TUB: variants seen among roughly 807,000 people sequenced by gnomAD.
The protein encoded by TUB is tubby protein homolog.
TUB carries 33 observed loss-of-function variants against 59.7 expected under a neutral mutation model. The ratio of observed to expected loss-of-function variants is 0.55; its 90% confidence interval spans 0.42 to 0.74. TUB has a LOEUF of 0.74. Among genes scored for constraint, TUB ranks in the 30% least tolerant of loss-of-function variants. The pLI is 0.00. For synonymous variants in TUB, 293 were observed against 256.4 expected, an observed-to-expected ratio of 1.14 and a Z score of -1.36; for missense variants, 659 against 672.0, an observed-to-expected ratio of 0.98 and a Z score of 0.21.
chr11:8,065,325 G>A lies in TUB; in HGVS notation c.204-24285G>A, dbSNP rs1943218383. Among the ~76,000 whole-genome samples, 3 of 152,202 alleles carry A rather than the reference G, an allele frequency of 2.0e-5. No homozygotes were observed. The South Asian group carries it at 6.2e-4, about 31-fold the overall frequency. The stretch of plus-strand genomic sequence containing the variant: ...GGGCCAGGGCATTGGTGGTGCTGGA[G>A]CGGGTGGTAATGGACAGAGGAGACA... On this transcript the variant is annotated intron_variant, in intron 2 of 12. Coordinates refer to the TUB transcript ENST00000305253.
chr11:8,033,088 C>CT (rs1942599031), intron 1 of TUB, among the ~76,000 whole-genome samples: 1 of 152,196 alleles, frequency 6.6e-6, no homozygotes, highest in Admixed American at 6.5e-5. Context: ...CCAATATGAT[C>CT]TGGGGGGGAA....
intron 1 of TUB, among the ~76,000 whole-genome samples, chr11:8,087,745 G>C (rs1208863299): frequency 1.3e-5 from 2 of 152,256 alleles, no homozygotes; most frequent in Admixed American, 6.5e-5. Context: ...TGCTTATTCA[G>C]TCAGGCTGTT....
At chr11:8,096,040 C>T (rs1276307278) in intron 5 of TUB, among the ~76,000 whole-genome samples, 1 of 152,206 alleles carries the variant, frequency 6.6e-6, no homozygotes, top group Admixed American at 6.5e-5. Context: ...GCCCCTGGTG[C>T]AGGGTGGCAG....
At position 8,100,958 on chromosome 11, in the gene TUB, G is replaced by A; in HGVS notation, c.1348G>A (p.Ala450Thr). ...VLNFHGRVTQ[A>T]SVKNFQIIHG... ...CAACTTCCATGGGCGCGTCACACAGGCCTCCGTGAAGAACTTCCAGATCAT... is the reference window on the plus strand; with the variant it reads ...CAACTTCCATGGGCGCGTCACACAGACCTCCGTGAAGAACTTCCAGATCAT... The change falls in exon 11 of 12, where the codon GCC becomes ACC. Residue 450 changes from alanine (A) to threonine (T), a missense_variant. By Grantham distance (58) the Ala-to-Thr change is moderately conservative (BLOSUM62 0). Transcript: ENST00000299506. The A allele has an allele frequency of 1.9e-6, 3 of 1,614,136 alleles. No homozygotes were observed. Among genetic ancestry groups the A allele is most frequent in the Non-Finnish European group, 2.5e-6 (3 of 1,180,022 alleles).
At chr11:8,097,520 A>C in intron 7 of TUB, 95 bp downstream of exon 7, 2 of 1,521,036 alleles carry the variant, frequency 1.3e-6, no homozygotes, top group Non-Finnish European at 1.8e-6. Flanking sequence ...TCTACCACTG[A>C]CCTCTCAGTT....
In TUB at chr11:8,101,674, G is replaced by A. The variant is rs1307289480; in HGVS notation, c.*55G>A. 1.9e-6 allele frequency: 3 copies of A among 1,597,330 alleles called. No individual in the cohort carries two copies. Among genetic ancestry groups the A allele is most frequent in the East Asian group, 2.3e-5 (1 of 44,300 alleles). ...AGCCTGGAGCGGAGCTTGCCTGCCTGCCTGTGGAGACAGCCCTGCCTATCC... is the reference window on the plus strand; with the variant it reads ...AGCCTGGAGCGGAGCTTGCCTGCCTACCTGTGGAGACAGCCCTGCCTATCC... On this transcript the variant is annotated 3_prime_UTR_variant, in exon 12 of 12. Transcript: ENST00000299506.
chr11:8,072,080 G>A (rs1943369957), intron 2 of TUB, among the ~76,000 whole-genome samples: 1 of 152,218 alleles, frequency 6.6e-6, no homozygotes, highest in Non-Finnish European at 1.5e-5. Context: ...TGACAGCTCA[G>A]CAGACACAGA....
At chr11:8,044,965 C>T (rs560689834) in intron 2 of TUB, among the ~76,000 whole-genome samples, 9 of 152,170 alleles carry the variant, frequency 5.9e-5, no homozygotes, top group Admixed American at 3.3e-4. Flanking sequence ...CCCAGCACCC[C>T]GATATGTTTA....
intron 2 of TUB, among the ~76,000 whole-genome samples, chr11:8,055,262 A>G (rs947926054): frequency 6.6e-6 from 1 of 152,294 alleles, no homozygotes; most frequent in African/African-American, 2.4e-5. Flanking sequence ...AGAATGCAAG[A>G]TAGTGAGTGA....
chr11:8,079,458 C>T (rs1002443486), upstream of TUB, among the ~76,000 whole-genome samples: 2 of 152,044 alleles, frequency 1.3e-5, no homozygotes, highest in African/African-American at 2.4e-5. Flanking sequence ...AACAAAACAG[C>T]CCTGCTTTCT....
chr11:8,101,090 AGAGTTT>A, intron 11 of TUB, 93 bp downstream of exon 11: 2 of 1,441,614 alleles, frequency 1.4e-6, no homozygotes, highest in South Asian at 1.3e-5. Context: ...TACACTGGCT[AGAGTTT>A]AAGAATGTGA....
In TUB at chr11:8,101,517, A is replaced by G. The variant is rs369809314; in HGVS notation, c.1419A>G (p.Val473=). 191 of 1,614,058 alleles carry G rather than the reference A, an allele frequency of 1.2e-4. No individual in the cohort carries two copies. Among genetic ancestry groups the G allele is most frequent in the Non-Finnish European group, 1.6e-4 (187 of 1,180,046 alleles). The change falls in exon 12 of 12, where the codon GTA becomes GTG. Residue 473 remains valine, a synonymous_variant. Coordinates refer to ENST00000299506, the MANE Select transcript of TUB (RefSeq NM_177972.3). Reference sequence around the variant, plus strand: ...ACATCGTGATGCAGTTTGGCCGGGTAGCAGAGGATGTGTTCACCATGGATT... The same window carrying G: ...ACATCGTGATGCAGTTTGGCCGGGTGGCAGAGGATGTGTTCACCATGGATT... ...PDYIVMQFGR[V]AEDVFTMDYN...
intron 1 of TUB, among the ~76,000 whole-genome samples, chr11:8,024,656 C>T (rs1164156470): frequency 6.6e-6 from 1 of 152,124 alleles, no homozygotes; most frequent in Non-Finnish European, 1.5e-5. Context: ...TTGTGTTGAA[C>T]ATCTTGTATA....
chr11:8,081,509 A>G lies in TUB; in HGVS notation c.-2A>G. 1.9e-6 allele frequency: 3 copies of G among 1,540,286 alleles called. No homozygotes were observed. Among genetic ancestry groups the G allele is most frequent in the South Asian group, 1.2e-5 (1 of 84,002 alleles). On this transcript the variant is annotated 5_prime_UTR_variant, in exon 1 of 12. Transcript: ENST00000299506. ...GCAGCCACCGCCCCGCCCCCGAGAGACATGACTTCCAAGCCGCATTCCGAC... is the reference window on the plus strand; with the variant it reads ...GCAGCCACCGCCCCGCCCCCGAGAGGCATGACTTCCAAGCCGCATTCCGAC...
At chr11:8,081,989 C>T (rs1943576804) in intron 1 of TUB, among the ~76,000 whole-genome samples, 1 of 152,238 alleles carries the variant, frequency 6.6e-6, no homozygotes, top group Non-Finnish European at 1.5e-5. Context: ...AAGCATGGAT[C>T]CGTGAAGACA....
At chr11:8,068,673 A>T (rs1431248378) in intron 2 of TUB, 3 of 152,454 alleles carry the variant, frequency 2.0e-5, no homozygotes, top group Non-Finnish European at 4.4e-5. Context: ...TCTGCTGCAA[A>T]GCCCTGCCTG....
rs1227109076 is a variant in TUB at position 8,090,111 on chromosome 11, C to A, written c.133C>A (p.Pro45Thr). The change falls in exon 3 of 12, where the codon CCC becomes ACC. Residue 45 changes from proline (P) to threonine (T), a missense_variant. Pro to Thr is a conservative substitution (Grantham distance 38). Transcript: ENST00000299506. The stretch of plus-strand genomic sequence containing the variant: ...GAAGCAGAAGAAGAAGCGCCAGGAG[C>A]CCCTGATGGTGCAGGCCAATGCAGA... The part of the protein sequence containing the change: ...EQKQKKKRQE[P>T]LMVQANADGR... 1 of 1,612,948 alleles carries A rather than the reference C, an allele frequency of 6.2e-7. No homozygotes were observed. Among genetic ancestry groups the A allele is most frequent in the African/African-American group, 1.3e-5 (1 of 74,934 alleles).
chr11:8,090,223 GCTA>G lies in TUB; in HGVS notation c.247_249del (p.Tyr83del). The G allele has an allele frequency of 6.2e-7, 1 of 1,613,500 alleles. No individual in the cohort carries two copies. Among genetic ancestry groups the G allele is most frequent in the Non-Finnish European group, 8.5e-7 (1 of 1,179,890 alleles). ...TACCTCAGCAGCAGTGGCAGCACCA[GCTA>G]CCAAGGTATACCTTGCCTGCTGCCC... On this transcript the variant is annotated inframe_deletion, in exon 3 of 12. Coordinates refer to ENST00000299506, the MANE Select transcript of TUB (RefSeq NM_177972.3).
At chr11:8,023,609 C>G (rs1364340541) in intron 1 of TUB, among the ~76,000 whole-genome samples, 1 of 152,198 alleles carries the variant, frequency 6.6e-6, no homozygotes, top group South Asian at 2.1e-4. Flanking sequence ...AGACATTCAG[C>G]CAACAGCTTT....
Sources: allele counts gnomAD v4.1 joint callset (sites outside exome capture counted in the v4.1 genomes callset), GRCh38; gene constraint gnomAD v4.1.1; transcripts MANE v1.5; gene names NCBI Gene and HGNC (gene_info 2026-07-23, HGNC 2026-07-21).